WDPCP: variants seen among roughly 807,000 people sequenced by gnomAD.
WDPCP encodes the protein WD repeat-containing and planar cell polarity effector protein fritz homolog.
WDPCP carries 71 observed loss-of-function variants against 93.1 expected under a neutral mutation model. The observed-to-expected ratio is 0.76, with a 90% CI of 0.63 to 0.93. The LOEUF is 0.93. Among genes scored for constraint, WDPCP ranks in the 40% least tolerant of loss-of-function variants. WDPCP has a pLI of 0.00. For missense variants in WDPCP, 844 were observed against 887.4 expected (o/e 0.95, Z 0.62); for synonymous variants, 315 against 315.0 (o/e 1.00, Z 0.00).
At chr2:63,419,891 A>G (rs759565641) in intron 9 of WDPCP, among the ~76,000 whole-genome samples, 1 of 152,182 alleles carries the variant, frequency 6.6e-6, no homozygotes, top group Non-Finnish European at 1.5e-5. Flanking sequence ...GTAGGTAAAC[A>G]TTTAATGTTT....
chr2:63,172,272 G>A (rs1186321533), intron 15 of WDPCP, among the ~76,000 whole-genome samples: 6 of 152,126 alleles, frequency 3.9e-5, no homozygotes, highest in African/African-American at 2.4e-5. Context: ...TTGAAAGGCC[G>A]AGGCAAAAGG....
At chr2:63,492,586 C>T (rs981344675) in intron 2 of WDPCP, among the ~76,000 whole-genome samples, 6 of 151,774 alleles carry the variant, frequency 4.0e-5, no homozygotes, top group African/African-American at 1.2e-4. Context: ...CTCACTGCAG[C>T]GTCAACCTCC....
chr2:63,340,074 T>C (rs1415983761), intron 12 of WDPCP, among the ~76,000 whole-genome samples: 1 of 152,246 alleles, frequency 6.6e-6, no homozygotes, highest in African/African-American at 2.4e-5. Context: ...CTTACGGGTA[T>C]ACATCTACGT....
chr2:63,256,535 G>C (rs927148751), intron 14 of WDPCP, among the ~76,000 whole-genome samples: 1 of 151,898 alleles, frequency 6.6e-6, no homozygotes, highest in African/African-American at 2.4e-5. Flanking sequence ...TGGAAAACTG[G>C]AAGTAGCTAC....
In WDPCP at chr2:63,684,733, T is replaced by C. The variant is rs956465222; in HGVS notation, n.309-33895A>G. The C allele has an allele frequency of 4.8e-5, 29 of 603,140 alleles. 1 individual carries two copies. Among genetic ancestry groups the C allele is most frequent in the South Asian group, 3.8e-4 (26 of 68,198 alleles). 37.4% of individuals were successfully genotyped at this position (603,140 alleles called of 1,614,324 possible). A position where few individuals can be genotyped will look rare whatever the true frequency, so the allele number is the denominator to read the frequency against. On this transcript the variant is annotated intron_variant and non_coding_transcript_variant, in intron 2 of 4. Transcript: ENST00000467687. ...GGTTTTAGATGCTTTGTTTTGGTCATTAAAAATTAAAAAATAAGAAAAAGA... is the reference window on the plus strand; with the variant it reads ...GGTTTTAGATGCTTTGTTTTGGTCACTAAAAATTAAAAAATAAGAAAAAGA...
chr2:63,549,231 T>C (rs1163248834), intron 1 of WDPCP, among the ~76,000 whole-genome samples: 6 of 104,740 alleles, frequency 5.7e-5, no homozygotes, highest in African/African-American at 8.0e-5. Flanking sequence ...ACCTGGGCAA[T>C]AGAGTGAGAC....
rs116709385 is a variant in WDPCP at position 63,487,536 on chromosome 2, T to C, written c.161-42A>G. ...ATAACATTAAATTATGATTTAAAAG[T>C]CCCAGAGAATAAGAAGCCAAGCCAT... On this transcript the variant is annotated intron_variant, in intron 2 of 17. Transcript: ENST00000272321. 1.2e-3 allele frequency: 1,755 copies of C among 1,463,174 alleles called. 24 individuals carry two copies. In the African/African-American group the frequency reaches 0.021, roughly 18 times the overall value. 90.6% of individuals were successfully genotyped at this position (1,463,174 alleles called of 1,614,324 possible). A position where few individuals can be genotyped will look rare whatever the true frequency, so the allele number is the denominator to read the frequency against.
Position 63,512,323 on chromosome 2 carries a change from G to C in WDPCP, c.76-19383C>G, listed in dbSNP as rs986233838. Among the ~76,000 whole-genome samples the C allele has an allele frequency of 3.5e-4, 53 of 152,318 alleles. 1 individual carries two copies. The highest frequency in any genetic ancestry group is 1.1e-3 in the African/African-American group (44 of 41,572). On this transcript the variant is annotated intron_variant, in intron 1 of 17. Coordinates refer to ENST00000272321, the MANE Select transcript of WDPCP (RefSeq NM_015910.7). Reference sequence around the variant, plus strand: ...GTAAATTAGTTCAGTCACTGTGTCAGACAGTGTGGCGATTCCTCAAGGATC... The same window carrying C: ...GTAAATTAGTTCAGTCACTGTGTCACACAGTGTGGCGATTCCTCAAGGATC...
chr2:63,146,568 G>A (rs183941021), intron 17 of WDPCP, among the ~76,000 whole-genome samples: 7 of 152,222 alleles, frequency 4.6e-5, no homozygotes, highest in African/African-American at 1.2e-4. Context: ...TAGTAGAGAT[G>A]GGGTTTCCAT....
intron 12 of WDPCP, among the ~76,000 whole-genome samples, chr2:63,338,809 G>T (rs1471587455): frequency 6.6e-6 from 1 of 151,434 alleles, no homozygotes; most frequent in African/African-American, 2.4e-5. Context: ...AAGTCAGGTA[G>T]TGTAATGACT....
At chr2:63,588,537 T>C (rs1709043666), upstream of WDPCP, 1 of 590,812 alleles carries the variant, frequency 1.7e-6, no homozygotes, top group Admixed American at 2.9e-5. Flanking sequence ...TCCGGGTCGA[T>C]CCAGCTTTAC....
intron 6 of WDPCP, among the ~76,000 whole-genome samples, chr2:63,478,833 G>A (rs1412102654): frequency 6.6e-6 from 1 of 151,822 alleles, no homozygotes; most frequent in African/African-American, 2.4e-5. Flanking sequence ...GATCAGAGCA[G>A]AACTACATGA....
At chr2:63,345,960 T>C (rs1319264275) in intron 12 of WDPCP, among the ~76,000 whole-genome samples, 3 of 152,166 alleles carry the variant, frequency 2.0e-5, no homozygotes, top group Non-Finnish European at 4.4e-5. Context: ...TAGGAGACTA[T>C]ACAACTAAAG....
intron 13 of WDPCP, among the ~76,000 whole-genome samples, chr2:63,282,967 A>G (rs567725972): frequency 6.5e-4 from 99 of 152,276 alleles, no homozygotes; most frequent in African/African-American, 2.3e-3. Flanking sequence ...TGGATTCAAC[A>G]TAGCGTTTGG....
At chr2:63,455,584 A>T (rs1698570009) in intron 6 of WDPCP, among the ~76,000 whole-genome samples, 1 of 152,202 alleles carries the variant, frequency 6.6e-6, no homozygotes, top group Non-Finnish European at 1.5e-5. Context: ...AAATAAAAAC[A>T]AAGGTCATCA....
At chr2:63,472,079 C>T (rs989788178) in intron 6 of WDPCP, among the ~76,000 whole-genome samples, 1 of 151,976 alleles carries the variant, frequency 6.6e-6, no homozygotes, top group African/African-American at 2.4e-5. Flanking sequence ...ATTTTGAAGG[C>T]CTCATTGTAT....
At chr2:63,320,038 A>G (rs1027717923) in intron 12 of WDPCP, among the ~76,000 whole-genome samples, 2 of 152,200 alleles carry the variant, frequency 1.3e-5, no homozygotes, top group Non-Finnish European at 2.9e-5. Flanking sequence ...AAAAAACTTG[A>G]GCAAATGAGG....
At chr2:63,721,545 A>G (rs1441764297) in intron 2 of WDPCP, among the ~76,000 whole-genome samples, 1 of 152,120 alleles carries the variant, frequency 6.6e-6, no homozygotes, top group African/African-American at 2.4e-5. Context: ...AAAAAAATAT[A>G]AATAAATTTT....
At chr2:63,694,292 T>G (rs1011329389) in intron 2 of WDPCP, among the ~76,000 whole-genome samples, 3 of 152,090 alleles carry the variant, frequency 2.0e-5, no homozygotes, top group African/African-American at 7.2e-5. Flanking sequence ...ACTACTAACT[T>G]GAAAAGACTA....
Sources: gnomAD v4.1 joint callset for allele counts (sites outside exome capture counted in the v4.1 genomes callset) on GRCh38, gnomAD v4.1.1 for gene constraint, MANE v1.5 for transcripts, NCBI Gene and HGNC (gene_info 2026-07-23, HGNC 2026-07-21) for gene names.